LRRC63: variants seen among roughly 807,000 people sequenced by gnomAD.
The protein encoded by LRRC63 is leucine rich repeat containing 63.
Under a neutral mutation model 49.5 loss-of-function variants are expected in LRRC63, and 40 were observed. The ratio of observed to expected loss-of-function variants is 0.81; its 90% CI spans 0.63 to 1.05. The LOEUF (loss-of-function observed/expected upper bound fraction) is 1.05. LRRC63 is among the 50% of genes least tolerant of loss of function. The pLI, the probability that LRRC63 is intolerant of heterozygous loss-of-function variation, is 0.00. For synonymous variants in LRRC63, 191 were observed against 221.1 expected, an observed-to-expected ratio of 0.86 and a Z score of 1.21; for missense variants, 636 against 663.1, an observed-to-expected ratio of 0.96 and a Z score of 0.45.
At chr13:46,253,971 CAGAT>C (rs2047448226) in intron 7 of LRRC63, among the ~76,000 whole-genome samples, 2 of 152,140 alleles carry the variant, frequency 1.3e-5, no homozygotes, top group South Asian at 4.2e-4. Flanking sequence ...CAAATACAGA[CAGAT>C]AAAGAAATTA....
chr13:46,262,595 CAT>C (rs2047630465), intron 8 of LRRC63, among the ~76,000 whole-genome samples: 1 of 152,098 alleles, frequency 6.6e-6, no homozygotes, highest in East Asian at 1.9e-4. Flanking sequence ...AGAGTTTACT[CAT>C]AAATTTGGGA....
In LRRC63 at chr13:46,265,320, A is replaced by G. The variant is rs377603144; in HGVS notation, c.1311-1413A>G. Among the ~76,000 whole-genome samples the G allele has an allele frequency of 1.3e-4, 20 of 152,322 alleles. No individual in the cohort carries two copies. In the South Asian group the frequency reaches 3.7e-3, roughly 28 times the overall value. ...GGTGAACCTTCACTAGCATTTGCCT[A>G]GAGTGTGCCACACTCATTCTGATTG... On this transcript the variant is annotated intron_variant, in intron 8 of 9. Coordinates refer to ENST00000595396, the Ensembl canonical transcript of LRRC63.
At chr13:46,254,560 A>G (rs1823682408) in intron 7 of LRRC63, among the ~76,000 whole-genome samples, 1 of 152,208 alleles carries the variant, frequency 6.6e-6, no homozygotes. Context: ...CATTTAGTCA[A>G]CAAAGATTTA....
intron 2 of LRRC63, 97 bp downstream of exon 2, chr13:46,213,216 T>G: frequency 1.4e-6 from 1 of 714,678 alleles, no homozygotes; most frequent in African/African-American, 1.8e-5. Flanking sequence ...ATACACTCAC[T>G]AATAACTTAC....
chr13:46,270,727 C>T lies in LRRC63; in HGVS notation c.1550+3755C>T, dbSNP rs144002470. 8.4e-4 allele frequency: 469 copies of T among 557,056 alleles called. 1 individual carries two copies. The highest frequency in any genetic ancestry group is 8.3e-3 in the African/African-American group (433 of 52,376). The allele number at this position is 557,056 out of a possible 1,614,324, so 34.5% of individuals were successfully genotyped here. ...GTATCTGTGAAGCATACTTCACAGC[C>T]ATAGGCCGAGGAGGCCTGGTGCTTC... is the stretch of plus-strand genomic sequence containing the variant. On this transcript the variant is annotated intron_variant, in intron 9 of 9. Coordinates refer to ENST00000595396, the Ensembl canonical transcript of LRRC63.
intron 7 of LRRC63, among the ~76,000 whole-genome samples, chr13:46,257,742 T>C (rs1236927854): frequency 6.6e-6 from 1 of 152,216 alleles, no homozygotes; most frequent in Non-Finnish European, 1.5e-5. Flanking sequence ...TCAATTTGTT[T>C]GAAGCCCTAG....
At chr13:46,264,035 C>T (rs184397817) in intron 8 of LRRC63, among the ~76,000 whole-genome samples, 1 of 152,300 alleles carries the variant, frequency 6.6e-6, no homozygotes, top group Non-Finnish European at 1.5e-5. Flanking sequence ...TTTCATTCAG[C>T]GTGTTTCACA....
In LRRC63 at chr13:46,261,644, C is replaced by A. The variant is rs962645320; in HGVS notation, c.1227-265C>A. 3.9e-4 allele frequency among the ~76,000 whole-genome samples: 60 copies of A among 152,102 alleles called. 1 individual carries two copies. Among genetic ancestry groups the A allele is most frequent in the Admixed American group, 2.7e-3 (41 of 15,288 alleles). On this transcript the variant is annotated intron_variant, in intron 7 of 9. Coordinates refer to ENST00000595396, the Ensembl canonical transcript of LRRC63. ...TAGGAAACTAATGCAACAACAACAACAAAAAAGTATCTTAGTGATAATGAA... is the reference window on the plus strand; with the variant it reads ...TAGGAAACTAATGCAACAACAACAAAAAAAAAGTATCTTAGTGATAATGAA...
chr13:46,270,815 C>A (rs2047747882), intron 9 of LRRC63, among the ~76,000 whole-genome samples: 2 of 152,212 alleles, frequency 1.3e-5, no homozygotes, highest in African/African-American at 4.8e-5. Context: ...TGTCTTCAGC[C>A]TGCCAGATCT....
At chr13:46,249,944 A>T (rs907722555) in intron 6 of LRRC63, 1 of 152,694 alleles carries the variant, frequency 6.5e-6, no homozygotes, top group South Asian at 2.1e-4. Context: ...AATTACTGGG[A>T]TGTCAGAAAT....
chr13:46,255,645 A>AAAAAAAAAAAATATAT (rs1555328641), intron 7 of LRRC63, among the ~76,000 whole-genome samples: 11 of 129,456 alleles, frequency 8.5e-5, no homozygotes, highest in African/African-American at 3.2e-4. Context: ...CCCTGCCTCA[A>AAAAAAAAAAAATATAT]ATATATATAT....
At chr13:46,244,544 A>T (rs1594063623) in intron 5 of LRRC63, among the ~76,000 whole-genome samples, 1 of 152,314 alleles carries the variant, frequency 6.6e-6, no homozygotes, top group African/African-American at 2.4e-5. Context: ...TCAAGGCAGG[A>T]GGATTCCTTG....
chr13:46,243,802 G>A (rs911036399), intron 5 of LRRC63, among the ~76,000 whole-genome samples: 1 of 152,094 alleles, frequency 6.6e-6, no homozygotes, highest in Admixed American at 6.6e-5. Context: ...TAAAGAATTT[G>A]TTTGCTATTT....
At chr13:46,222,410 C>T (rs572177681) in intron 2 of LRRC63, among the ~76,000 whole-genome samples, 1 of 152,302 alleles carries the variant, frequency 6.6e-6, no homozygotes, top group East Asian at 1.9e-4. Context: ...AAGTTTAACT[C>T]TGTAATCCAT....
At chr13:46,241,669 A>G (rs1387039992) in intron 5 of LRRC63, among the ~76,000 whole-genome samples, 1 of 152,240 alleles carries the variant, frequency 6.6e-6, no homozygotes, top group African/African-American at 2.4e-5. Flanking sequence ...AAAGGCCATG[A>G]AAAGACACTC....
chr13:46,259,303 AG>A (rs2047577493), intron 7 of LRRC63, among the ~76,000 whole-genome samples: 3 of 147,556 alleles, frequency 2.0e-5, no homozygotes, highest in African/African-American at 7.3e-5. Context: ...AAGATAAAAA[AG>A]GGAGAAAAAG....
exon 8 of LRRC63, chr13:46,261,956 A>G: frequency 8.5e-7 from 1 of 1,181,856 alleles, no homozygotes; most frequent in Non-Finnish European, 1.1e-6. Context: ...TCCTATAATG[A>G]ACTTACTTTT....
At chr13:46,266,682 A>G (rs962951497) in intron 8 of LRRC63, 51 bp from the exon 9 acceptor site, 4 of 1,419,202 alleles carry the variant, frequency 2.8e-6, no homozygotes, top group South Asian at 3.0e-5. Context: ...TTTTACTTTA[A>G]TATTATGAAT....
intron 2 of LRRC63, among the ~76,000 whole-genome samples, chr13:46,222,053 AC>A (rs1323538191): frequency 6.6e-6 from 1 of 152,164 alleles, no homozygotes; most frequent in Non-Finnish European, 1.5e-5. Flanking sequence ...AGCCATTCTG[AC>A]TAGGGTAAGA....
Sources: gnomAD v4.1 joint callset for allele counts (sites outside exome capture counted in the v4.1 genomes callset) on GRCh38, gnomAD v4.1.1 for gene constraint, MANE v1.5 for transcripts, NCBI Gene and HGNC (gene_info 2026-07-23, HGNC 2026-07-21) for gene names.